The following NCOR2 variants were observed in gnomAD, a reference collection of about 807,000 sequenced individuals.
NCOR2 encodes CTG repeat protein 26.
NCOR2 carries 81 observed loss-of-function variants against 262.9 expected under a neutral mutation model. That is an observed-to-expected ratio of 0.31 (90% confidence interval 0.26 to 0.37). The LOEUF is 0.37. NCOR2 is among the 10% of genes least tolerant of loss of function. NCOR2 has a pLI of 1.00. For missense variants in NCOR2, 3,385 were observed against 3,621.4 expected, an observed-to-expected ratio of 0.93 and a Z score of 1.68; for synonymous variants, 1,659 against 1,559.3, an observed-to-expected ratio of 1.06 and a Z score of -1.51.
intron 16 of NCOR2, among the ~76,000 whole-genome samples, chr12:124,397,743 G>A (rs995736869): frequency 6.6e-5 from 10 of 152,214 alleles, no homozygotes; most frequent in East Asian, 3.9e-4. Flanking sequence ...GATGGCCGCC[G>A]GCAAGCTCTG....
chr12:124,328,318 C>T (rs986852894), intron 44 of NCOR2, among the ~76,000 whole-genome samples: 12 of 152,234 alleles, frequency 7.9e-5, no homozygotes, highest in African/African-American at 2.9e-4. Flanking sequence ...ACGCTGAGGG[C>T]GGGGTCATAG....
intron 2 of NCOR2, among the ~76,000 whole-genome samples, chr12:124,484,159 G>A (rs1211748544): frequency 6.6e-6 from 1 of 152,178 alleles, no homozygotes; most frequent in Middle Eastern, 3.2e-3. Context: ...AGATCATTGG[G>A]TGGTTCACAG....
chr12:124,533,985 G>A (rs1463841213), intron 1 of NCOR2, among the ~76,000 whole-genome samples: 1 of 151,158 alleles, frequency 6.6e-6, no homozygotes, highest in Non-Finnish European at 1.5e-5. Context: ...GTATTTTCTG[G>A]GTGGCCCAAG....
Position 124,389,868 on chromosome 12 carries a change from C to A in NCOR2, c.1877-3981G>T, listed in dbSNP as rs2041160718. Among the ~76,000 whole-genome samples, 1 of 152,162 alleles carries A rather than the reference C, an allele frequency of 6.6e-6. No homozygotes were observed. Among genetic ancestry groups the A allele is most frequent in the African/African-American group, 2.4e-5 (1 of 41,440 alleles). On this transcript the variant is annotated intron_variant, in intron 16 of 46. Coordinates refer to ENST00000405201, the Ensembl canonical transcript of NCOR2. The surrounding 1 kb of genome is among the most constrained non-coding windows in gnomAD (Gnocchi z 4.4). ...GAGCCCCTGCAGCCGTGAAGGAACA[C>A]TGTGGGAAATGCCGGGGAGCCACCC... is the stretch of plus-strand genomic sequence containing the variant.
exon 46 of NCOR2, chr12:124,326,337 G>A (rs1322834666): frequency 6.5e-7 from 1 of 1,533,314 alleles, no homozygotes; most frequent in Non-Finnish European, 8.7e-7. Flanking sequence ...TCGGCTGCTG[G>A]GTCTGCCAGA....
intron 16 of NCOR2, among the ~76,000 whole-genome samples, chr12:124,387,078 G>T (rs1230802625): frequency 1.3e-5 from 2 of 152,252 alleles, no homozygotes; most frequent in Non-Finnish European, 2.9e-5. Context: ...TTTAATGAAG[G>T]ATTTCCCATA....
chr12:124,344,715 C>G, exon 32 of NCOR2: 1 of 1,541,174 alleles, frequency 6.5e-7, no homozygotes, highest in Non-Finnish European at 8.8e-7. Flanking sequence ...GCTTACCCAG[C>G]TCAGGCACAA....
chr12:124,567,125 C>A (rs953341100), intron 1 of NCOR2, among the ~76,000 whole-genome samples, 183 bp downstream of exon 1: 3 of 152,054 alleles, frequency 2.0e-5, no homozygotes, highest in African/African-American at 4.8e-5. Context: ...CCCCCGAGCA[C>A]GCGGGCCGCA....
upstream of NCOR2, among the ~76,000 whole-genome samples, chr12:124,499,405 G>A (rs1422282278): frequency 6.6e-6 from 1 of 152,250 alleles, no homozygotes; most frequent in Admixed American, 6.5e-5. Flanking sequence ...TGAACCCAGC[G>A]GGGTCCAGGC....
At chr12:124,532,307 CCACAG>C in intron 1 of NCOR2, among the ~76,000 whole-genome samples, 1 of 152,114 alleles carries the variant, frequency 6.6e-6, no homozygotes, top group South Asian at 2.1e-4. Flanking sequence ...CAGAGGGGCC[CCACAG>C]AGCTGCCAAG....
chr12:124,507,287 G>T (rs1172660066), intron 1 of NCOR2, among the ~76,000 whole-genome samples: 1 of 152,198 alleles, frequency 6.6e-6, no homozygotes, highest in Non-Finnish European at 1.5e-5. Context: ...AAACAATATG[G>T]CTATTCTTAA....
At chr12:124,388,723 G>A (rs773233035) in intron 16 of NCOR2, 11 of 1,304,250 alleles carry the variant, frequency 8.4e-6, no homozygotes, top group Admixed American at 4.6e-5. Flanking sequence ...CAAGTTTTCC[G>A]GAAACATAGG....
At chr12:124,333,867 C>CATGTGTGTGCGCGCATGTGTGTGTGT (rs1566353288) in intron 41 of NCOR2, among the ~76,000 whole-genome samples, 9 of 28,512 alleles carry the variant, frequency 3.2e-4, no homozygotes, top group African/African-American at 7.4e-4. Context: ...TGTGTGTGTG[C>CATGTGTGTGCGCGCATGTGTGTGTGT]GCATGTGTGC....
At chr12:124,428,044 A>AGTGTGTGTGT (rs55965573) in intron 10 of NCOR2, among the ~76,000 whole-genome samples, 6,731 of 112,340 alleles carry the variant, frequency 0.06, 507 homozygotes, top group South Asian at 0.085. Flanking sequence ...CCATGTGGCC[A>AGTGTGTGTGT]GTGTGTGTGT....
intron 1 of NCOR2, among the ~76,000 whole-genome samples, chr12:124,556,892 G>A (rs1316248750): frequency 6.6e-6 from 1 of 151,954 alleles, no homozygotes; most frequent in African/African-American, 2.4e-5. Context: ...AAAGGAATGA[G>A]ACGAGGCCTG....
In NCOR2 at chr12:124,390,684, G is replaced by A. The variant is rs113096330; in HGVS notation, c.1877-4797C>T. ...TGCGTTTAGCTCTGCAGGGGGCCCC[G>A]AACCCTCCCAAAAGAGGCTGGGGTA... On this transcript the variant is annotated intron_variant, in intron 16 of 46. Transcript: ENST00000405201. Among the ~76,000 whole-genome samples the A allele has an allele frequency of 5.9e-5, 9 of 152,304 alleles. 1 individual carries two copies. The highest frequency in any genetic ancestry group is 1.4e-4 in the African/African-American group (6 of 41,552).
intron 5 of NCOR2, among the ~76,000 whole-genome samples, chr12:124,463,775 T>A (rs1036835990): frequency 1.3e-5 from 2 of 152,290 alleles, no homozygotes; most frequent in African/African-American, 4.8e-5. Flanking sequence ...TCCCGCACAT[T>A]AGGCTGCAGG....
At chr12:124,430,819 G>A (rs750481313) in intron 8 of NCOR2, 32 bp from the exon 11 acceptor site, 3 of 1,566,746 alleles carry the variant, frequency 1.9e-6, no homozygotes, top group Non-Finnish European at 2.6e-6. Context: ...TGCGGAAGAT[G>A]CTCCTGCACC....
intron 1 of NCOR2, among the ~76,000 whole-genome samples, chr12:124,559,212 G>T (rs1024391725): frequency 6.6e-6 from 1 of 152,226 alleles, no homozygotes; most frequent in African/African-American, 2.4e-5. Context: ...AGCAGGAGAA[G>T]CAGGGGACCT....
Sources: allele counts gnomAD v4.1 joint callset (sites outside exome capture counted in the v4.1 genomes callset), GRCh38; gene constraint gnomAD v4.1.1; non-coding constraint Gnocchi (gnomAD v3.1); transcripts MANE v1.5; gene names NCBI Gene and HGNC (gene_info 2026-07-23, HGNC 2026-07-21).